WDR70: variants seen among roughly 807,000 people sequenced by gnomAD.
WDR70 encodes the protein WD repeat-containing protein 70.
Under a neutral mutation model 88.6 loss-of-function variants are expected in WDR70, and 53 were observed. That is an observed-to-expected ratio of 0.60 (90% CI 0.48 to 0.75). The LOEUF is 0.75. Among genes scored for constraint, WDR70 ranks in the 30% least tolerant of loss-of-function variants. WDR70 has a pLI of 0.00. For missense variants in WDR70, 610 were observed against 823.2 expected (o/e 0.74, Z 3.17); for synonymous variants, 280 against 270.0 (o/e 1.04, Z -0.36).
rs562354441 is a variant in WDR70 at position 37,512,511 on chromosome 5, G to A, written c.841-4003G>A. ...TGAGATTACAGGTGTGAGCCACCAC[G>A]CCCAGCCCTCTTCTATCTCTTATAA... On this transcript the variant is annotated intron_variant, in intron 8 of 17. Transcript: ENST00000265107. 1.1e-4 allele frequency among the ~76,000 whole-genome samples: 16 copies of A among 151,490 alleles called. No homozygotes were observed. The South Asian group carries it at 2.1e-3, about 20-fold the overall frequency.
intron 10 of WDR70, among the ~76,000 whole-genome samples, chr5:37,653,739 A>G (rs1745472691): frequency 6.6e-6 from 1 of 152,202 alleles, no homozygotes; most frequent in Admixed American, 6.5e-5. Flanking sequence ...AGGTGTTTAT[A>G]GTATTCTCTG....
At chr5:37,529,971 C>T (rs1233027604) in intron 9 of WDR70, among the ~76,000 whole-genome samples, 4 of 152,052 alleles carry the variant, frequency 2.6e-5, no homozygotes, top group Non-Finnish European at 5.9e-5. Flanking sequence ...TCATAGATGG[C>T]TTTTATTATG....
chr5:37,752,072 A>G (rs967969867), intron 17 of WDR70, among the ~76,000 whole-genome samples: 1 of 152,214 alleles, frequency 6.6e-6, no homozygotes, highest in Admixed American at 6.5e-5. Flanking sequence ...AAGCCTAGGG[A>G]CAACCCAGAG....
At position 37,701,151 on chromosome 5, in the gene WDR70, C is replaced by A. The variant is rs778657599; in HGVS notation, c.1277+9C>A. On this transcript the variant is annotated intron_variant, in intron 12 of 17. Coordinates refer to ENST00000265107, the MANE Select transcript of WDR70 (RefSeq NM_018034.4). ...CCCACCATGTTCCCAATGTAAGTAG[C>A]ATATTTTAAATATTTGATCAGCATA... 1 of 1,559,182 alleles carries A rather than the reference C, an allele frequency of 6.4e-7. No homozygotes were observed. The highest frequency in any genetic ancestry group is 8.8e-7 in the Non-Finnish European group (1 of 1,131,070).
At chr5:37,544,110 T>C (rs1006849103) in intron 9 of WDR70, among the ~76,000 whole-genome samples, 1 of 152,156 alleles carries the variant, frequency 6.6e-6, no homozygotes, top group African/African-American at 2.4e-5. Context: ...TCAGTGTATT[T>C]TAAGTTTCTG....
chr5:37,402,519 A>AAT (rs1232078651), intron 5 of WDR70, among the ~76,000 whole-genome samples: 1 of 152,032 alleles, frequency 6.6e-6, no homozygotes, highest in African/African-American at 2.4e-5. Context: ...ATTGATAAAT[A>AAT]ATATATATAT....
At chr5:37,415,843 C>T (rs1247043931) in intron 5 of WDR70, among the ~76,000 whole-genome samples, 16 of 150,170 alleles carry the variant, frequency 1.1e-4, no homozygotes, top group East Asian at 8.0e-4. Flanking sequence ...GGGTCGCGGC[C>T]GGGCAGAGGC....
rs556620559 is a variant in WDR70 at position 37,597,926 on chromosome 5, C to T, written c.918-7138C>T. Among the ~76,000 whole-genome samples the T allele has an allele frequency of 5.9e-5, 9 of 152,328 alleles. No individual in the cohort carries two copies. In the South Asian group the frequency reaches 1.7e-3, roughly 28 times the overall value. The stretch of plus-strand genomic sequence containing the variant: ...TCTTTGCCTTACGCAGGGTGGTAGA[C>T]ATTGTCCTTCACAATTTTAAGTTTT... On this transcript the variant is annotated intron_variant, in intron 9 of 17. Coordinates refer to ENST00000265107, the MANE Select transcript of WDR70 (RefSeq NM_018034.4).
chr5:37,606,834 C>T (rs1744041335), intron 10 of WDR70, among the ~76,000 whole-genome samples: 2 of 149,782 alleles, frequency 1.3e-5, no homozygotes, highest in Non-Finnish European at 2.9e-5. Flanking sequence ...AACTTGCCAG[C>T]AGGAAACACA....
In WDR70 at chr5:37,606,571, G is replaced by A. The variant is rs184847770; in HGVS notation, c.1092+1333G>A. On this transcript the variant is annotated intron_variant, in intron 10 of 17. Coordinates refer to ENST00000265107, the MANE Select transcript of WDR70 (RefSeq NM_018034.4). ...AGTTGAATATAGTTTTTAAAGATTT[G>A]TCTTGTGTATCTTGAAATAAGGAGT... 1.8e-3 allele frequency among the ~76,000 whole-genome samples: 281 copies of A among 152,158 alleles called. 2 individuals carry two copies. Among genetic ancestry groups the A allele is most frequent in the African/African-American group, 6.3e-3 (261 of 41,532 alleles).
intron 10 of WDR70, among the ~76,000 whole-genome samples, chr5:37,669,896 C>T (rs7725465): frequency 0.24 from 36,099 of 151,996 alleles, 4,804 homozygotes; most frequent in East Asian, 0.36. Context: ...AAAAACATTA[C>T]GCTAAATGAA....
intron 9 of WDR70, among the ~76,000 whole-genome samples, chr5:37,528,512 G>A (rs998015473): frequency 3.9e-5 from 6 of 152,222 alleles, no homozygotes; most frequent in Non-Finnish European, 8.8e-5. Flanking sequence ...AGAGCATTAG[G>A]AGATATACCT....
rs1261412774 is a variant in WDR70 at position 37,752,768 on chromosome 5, C to A, written c.*195C>A. On this transcript the variant is annotated 3_prime_UTR_variant, in exon 18 of 18. Transcript: ENST00000265107. Reference sequence around the variant, plus strand: ...AATTTTCTTACCTGCAACTATTAAACTGATTACAGATAAACAAGAAACAGA... The same window carrying A: ...AATTTTCTTACCTGCAACTATTAAAATGATTACAGATAAACAAGAAACAGA... 1 of 513,232 alleles carries A rather than the reference C, an allele frequency of 1.9e-6. No individual in the cohort carries two copies. Among genetic ancestry groups the A allele is most frequent in the Non-Finnish European group, 3.4e-6 (1 of 293,094 alleles). 31.8% of individuals were successfully genotyped at this position (513,232 alleles called of 1,614,324 possible). A position where few individuals can be genotyped will look rare whatever the true frequency, so the allele number is the denominator to read the frequency against.
chr5:37,426,528 A>G (rs1331884705), intron 5 of WDR70, among the ~76,000 whole-genome samples: 1 of 152,184 alleles, frequency 6.6e-6, no homozygotes, highest in African/African-American at 2.4e-5. Context: ...AGCTGCAGTT[A>G]GCATATAGCA....
chr5:37,534,219 G>A (rs562903262), intron 9 of WDR70, among the ~76,000 whole-genome samples: 12 of 152,294 alleles, frequency 7.9e-5, no homozygotes, highest in African/African-American at 2.6e-4. Context: ...CTGTCTGAGC[G>A]GGAGCTGCAA....
chr5:37,702,906 T>C, intron 12 of WDR70, 43 bp from the exon 13 acceptor site: 1 of 1,574,540 alleles, frequency 6.4e-7, no homozygotes, highest in Non-Finnish European at 8.7e-7. Flanking sequence ...TGGACTGTTG[T>C]GGAGGTCATA....
intron 5 of WDR70, among the ~76,000 whole-genome samples, chr5:37,409,034 G>A (rs1480366311): frequency 6.6e-6 from 1 of 152,090 alleles, no homozygotes; most frequent in Non-Finnish European, 1.5e-5. Flanking sequence ...CGCCTCCTGG[G>A]TTCAAGTGAT....
intron 10 of WDR70, among the ~76,000 whole-genome samples, chr5:37,673,661 T>C (rs1746102790): frequency 6.8e-6 from 1 of 147,262 alleles, no homozygotes; most frequent in Non-Finnish European, 1.5e-5. Flanking sequence ...TGCAGGTTTG[T>C]TACATAGGTA....
intron 11 of WDR70, among the ~76,000 whole-genome samples, chr5:37,699,975 CA>C (rs11311180): frequency 0.29 from 42,012 of 143,664 alleles, 6,422 homozygotes; most frequent in Admixed American, 0.43. Context: ...AAAACAAAAA[CA>C]AAAAAAAAAA....
Sources: allele counts gnomAD v4.1 joint callset (sites outside exome capture counted in the v4.1 genomes callset), GRCh38; gene constraint gnomAD v4.1.1; transcripts MANE v1.5; gene names NCBI Gene and HGNC (gene_info 2026-07-23, HGNC 2026-07-21).